ZC3H11A: variants seen among roughly 807,000 people sequenced by gnomAD.
ZC3H11A encodes zinc finger CCCH-type containing 11A, also known as zinc finger CCCH domain-containing protein 11A.
In ZC3H11A, 22 loss-of-function variants were observed where a neutral mutation model predicts 90.8. The ratio of observed to expected loss-of-function variants is 0.24; its 90% confidence interval spans 0.17 to 0.35. ZC3H11A has a LOEUF of 0.35. Among genes scored for constraint, ZC3H11A ranks in the 10% least tolerant of loss-of-function variants. The pLI, the probability that ZC3H11A is intolerant of heterozygous loss-of-function variation, is 1.00. For missense variants in ZC3H11A, 701 were observed against 964.9 expected, an observed-to-expected ratio of 0.73 and a Z score of 3.62; for synonymous variants, 294 against 339.8, an observed-to-expected ratio of 0.87 and a Z score of 1.48.
intron 12 of ZC3H11A, among the ~76,000 whole-genome samples, chr1:203,845,195 C>T (rs1043497962): frequency 1.3e-5 from 2 of 152,168 alleles, no homozygotes; most frequent in African/African-American, 4.8e-5. Context: ...GATGTATGCT[C>T]TGCCAGTGAC....
rs764610394 is a variant in ZC3H11A, at chr1:203,818,741, C to G, written c.174+52C>G. On this transcript the variant is annotated intron_variant, in intron 4 of 17. Transcript: ENST00000367210. The stretch of plus-strand genomic sequence containing the variant: ...ATAAGTAGTCTGGAGACCTGGTGGG[C>G]CAATAAAAAATATAGGGACAAAAGT... 16 of 1,609,210 alleles carry G rather than the reference C, an allele frequency of 9.9e-6. No individual in the cohort carries two copies. The Admixed American group carries it at 1.2e-4, about 12-fold the overall frequency.
intron 12 of ZC3H11A, among the ~76,000 whole-genome samples, chr1:203,843,607 C>T (rs993511182): frequency 5.9e-5 from 9 of 152,284 alleles, no homozygotes; most frequent in African/African-American, 2.2e-4. Context: ...ATGAAAGCAG[C>T]CATATGCATA....
intron 1 of ZC3H11A, chr1:203,799,108 G>C (rs1199969860): frequency 6.5e-7 from 1 of 1,534,246 alleles, no homozygotes; most frequent in Non-Finnish European, 8.7e-7. Flanking sequence ...TGTGTTACAG[G>C]TTTGGCTAAA....
At chr1:203,820,625 G>T (rs1450845918) in intron 4 of ZC3H11A, among the ~76,000 whole-genome samples, 1 of 151,944 alleles carries the variant, frequency 6.6e-6, no homozygotes, top group Non-Finnish European at 1.5e-5. Context: ...CAACGGGCAT[G>T]CCTCACCACA....
intron 12 of ZC3H11A, among the ~76,000 whole-genome samples, chr1:203,840,602 G>A (rs1685788645): frequency 7.6e-6 from 1 of 131,852 alleles, no homozygotes; most frequent in South Asian, 2.4e-4. Flanking sequence ...TTAATAGTAG[G>A]AAATTATTTA....
intron 4 of ZC3H11A, among the ~76,000 whole-genome samples, chr1:203,827,681 CA>C (rs77923419): frequency 0.018 from 1,566 of 86,162 alleles, 33 homozygotes; most frequent in Admixed American, 0.081. Context: ...GACTCTGTCT[CA>C]AAAAAAAAAA....
chr1:203,805,618 G>A, intron 2 of ZC3H11A: 1 of 673,520 alleles, frequency 1.5e-6, no homozygotes, highest in South Asian at 1.4e-5. Context: ...AAATGCAAAT[G>A]TATGAAGCAG....
In ZC3H11A at chr1:203,820,466, T is replaced by TTGTGTGTGTGTGTGTGTGTGTGTG. The variant is rs144962991; in HGVS notation, c.174+1778_174+1779insGTGTGTGTGTGTGTGTGTGTGTGT. Among the ~76,000 whole-genome samples, 240 of 136,458 alleles carry TTGTGTGTGTGTGTGTGTGTGTGTG rather than the reference T, an allele frequency of 1.8e-3. 4 individuals carry two copies. Among genetic ancestry groups the TTGTGTGTGTGTGTGTGTGTGTGTG allele is most frequent in the Non-Finnish European group, 2.3e-3 (144 of 61,726 alleles). The allele number at this position is 136,458 out of a possible 152,430, so 89.5% of individuals were successfully genotyped here. A position where few individuals can be genotyped will look rare whatever the true frequency, so the allele number is the denominator to read the frequency against. On this transcript the variant is annotated intron_variant, in intron 4 of 17. Transcript: ENST00000367210. ...ATAGCTTTAGCAGGAATATCACAAA[T>TTGTGTGTGTGTGTGTGTGTGTGTG]TATGTGTGTGTGTGTGTATATTTTG... is the stretch of plus-strand genomic sequence containing the variant.
intron 10 of ZC3H11A, among the ~76,000 whole-genome samples, chr1:203,837,456 T>C (rs78861688): frequency 2.0e-5 from 3 of 148,758 alleles, no homozygotes; most frequent in Non-Finnish European, 3.0e-5. Flanking sequence ...TTGTCTCTCT[T>C]TTTTTTTTTT....
At chr1:203,804,712 G>C (rs374498175) in intron 2 of ZC3H11A, among the ~76,000 whole-genome samples, 1 of 134,702 alleles carries the variant, frequency 7.4e-6, no homozygotes, top group African/African-American at 2.8e-5. Context: ...TGCTCTCGTT[G>C]CCTAGGCTGG....
At position 203,852,367 on chromosome 1, in the gene ZC3H11A, C is replaced by T; in HGVS notation, c.2401C>T (p.Leu801=). The change falls in exon 18 of 18, where the codon CTG becomes TTG. Residue 801 remains leucine, a synonymous_variant. Transcript: ENST00000367210. ...LDPGKDEDDL[L]LELSEMIDS ...TCCTGGGAAAGATGAAGATGACCTT[C>T]TGCTTGAGCTATCAGAAATGATTGA... 6.2e-7 allele frequency: 1 copy of T among 1,613,760 alleles called. No individual in the cohort carries two copies.
intron 8 of ZC3H11A, among the ~76,000 whole-genome samples, 186 bp from the exon 9 acceptor site, chr1:203,831,475 A>C (rs889116655): frequency 1.3e-5 from 2 of 152,296 alleles, no homozygotes; most frequent in Non-Finnish European, 2.9e-5. Context: ...TTTTCACATC[A>C]TGCCCAAGGC....
chr1:203,820,699 C>T (rs1440212729), intron 4 of ZC3H11A, among the ~76,000 whole-genome samples: 45 of 151,906 alleles, frequency 3.0e-4, no homozygotes, highest in Admixed American at 2.8e-3. Context: ...AGGCTGGTCT[C>T]GAATTGTTGG....
intron 4 of ZC3H11A, among the ~76,000 whole-genome samples, chr1:203,827,987 C>G (rs10494846): frequency 0.13 from 19,661 of 152,138 alleles, 1,439 homozygotes; most frequent in Non-Finnish European, 0.15. Flanking sequence ...AGATTCAGAC[C>G]GTTATCTTTG....
At chr1:203,852,015 A>G in intron 17 of ZC3H11A, 126 bp from the exon 18 acceptor site, 1 of 921,152 alleles carries the variant, frequency 1.1e-6, no homozygotes, top group South Asian at 1.9e-5. Context: ...CAAATCAGTA[A>G]AAGAATTATT....
At chr1:203,808,012 C>G (rs1672968893) in intron 2 of ZC3H11A, among the ~76,000 whole-genome samples, 1 of 152,002 alleles carries the variant, frequency 6.6e-6, no homozygotes, top group Non-Finnish European at 1.5e-5. Context: ...AAAGTGCTGG[C>G]ATTACGGATG....
At chr1:203,796,216 T>C (rs1186361777) in intron 1 of ZC3H11A, 2 of 390,354 alleles carry the variant, frequency 5.1e-6, no homozygotes, top group African/African-American at 4.1e-5. Flanking sequence ...GTTTCTCTAG[T>C]TGAGCGGACC....
At position 203,829,926 on chromosome 1, in the gene ZC3H11A, T is replaced by G. The variant is rs368118849; in HGVS notation, c.619+30T>G. 3.1e-6 allele frequency: 5 copies of G among 1,587,422 alleles called. No homozygotes were observed. In the African/African-American group the frequency reaches 6.7e-5, roughly 21 times the overall value. ...GAAGAGGCTAGATTGGTGCCTCTTA[T>G]AGCACTGTTGAAACTACCTTTGAAA... On this transcript the variant is annotated intron_variant, in intron 7 of 17. Transcript: ENST00000367210.
intron 15 of ZC3H11A, 73 bp downstream of exon 15, chr1:203,850,099 C>T (rs1345773196): frequency 6.6e-6 from 9 of 1,370,188 alleles, no homozygotes; most frequent in South Asian, 2.7e-5. Flanking sequence ...TTGCCAGTAA[C>T]TTCCTGGCAA....
Sources: allele counts gnomAD v4.1 joint callset (sites outside exome capture counted in the v4.1 genomes callset), GRCh38; gene constraint gnomAD v4.1.1; transcripts MANE v1.5; gene names NCBI Gene and HGNC (gene_info 2026-07-23, HGNC 2026-07-21).